MRTFA: variants seen among roughly 807,000 people sequenced by gnomAD.
The protein encoded by MRTFA is myocardin-related transcription factor A.
A neutral mutation model predicts 83.5 loss-of-function variants in MRTFA; 20 were observed. The ratio of observed to expected loss-of-function variants is 0.24; its 90% CI spans 0.17 to 0.35. MRTFA has a LOEUF of 0.35. Among genes scored for constraint, MRTFA ranks in the 10% least tolerant of loss-of-function variants. The pLI is 1.00. For synonymous variants in MRTFA, 659 were observed against 541.2 expected, an observed-to-expected ratio of 1.22 and a Z score of -3.02; for missense variants, 1,200 against 1,224.7, an observed-to-expected ratio of 0.98 and a Z score of 0.30.
At chr22:40,417,633 G>C (rs183793952) in intron 12 of MRTFA, 140 bp from the exon 13 acceptor site, 2 of 643,166 alleles carry the variant, frequency 3.1e-6, no homozygotes, top group African/African-American at 3.7e-5. Context: ...CTTTTAGGGA[G>C]CTTTCATGAA....
chr22:40,570,345 G>A (rs2055770431), intron 2 of MRTFA, among the ~76,000 whole-genome samples: 1 of 151,896 alleles, frequency 6.6e-6, no homozygotes, highest in Non-Finnish European at 1.5e-5. Context: ...GGAGGCCGAG[G>A]CGGGTGGATC....
At chr22:40,544,437 G>C (rs2055333609) in intron 3 of MRTFA, among the ~76,000 whole-genome samples, 1 of 152,096 alleles carries the variant, frequency 6.6e-6, no homozygotes, top group South Asian at 2.1e-4. Flanking sequence ...ATGTTGCCTA[G>C]GTTGGTCTTG....
At chr22:40,525,541 T>G (rs1236163600) in intron 3 of MRTFA, among the ~76,000 whole-genome samples, 1 of 152,090 alleles carries the variant, frequency 6.6e-6, no homozygotes, top group Admixed American at 6.5e-5. Context: ...AAAACTACAA[T>G]GTACACTTAT....
At chr22:40,443,736 T>C (rs2053324313) in intron 4 of MRTFA, among the ~76,000 whole-genome samples, 1 of 152,086 alleles carries the variant, frequency 6.6e-6, no homozygotes, top group South Asian at 2.1e-4. Context: ...CTTGCAAGGG[T>C]GTAATGAGAT....
chr22:40,442,177 A>G (rs768341308), intron 4 of MRTFA, among the ~76,000 whole-genome samples: 3 of 152,188 alleles, frequency 2.0e-5, no homozygotes, highest in Non-Finnish European at 4.4e-5. Context: ...TTTCCTCATC[A>G]CTATCATGAA....
At chr22:40,487,477 C>T (rs2054192199) in intron 3 of MRTFA, among the ~76,000 whole-genome samples, 1 of 152,098 alleles carries the variant, frequency 6.6e-6, no homozygotes, top group Non-Finnish European at 1.5e-5. Flanking sequence ...TCACCATTGG[C>T]AAGATCAAAC....
rs72655385 is a variant in MRTFA at position 40,418,745 on chromosome 22, C to T, written c.1993G>A (p.Ala665Thr). 1,704 of 1,450,060 alleles carry T rather than the reference C, an allele frequency of 1.2e-3. 19 individuals carry two copies. In the East Asian group the frequency reaches 0.024, roughly 20 times the overall value. 89.8% of individuals were successfully genotyped at this position (1,450,060 alleles called of 1,614,324 possible). A position where few individuals can be genotyped will look rare whatever the true frequency, so the allele number is the denominator to read the frequency against. Reference sequence around the variant, plus strand: ...GTGCCGAGGGGGGCGGGGGCGGGGGCGGGCTGCTGGGCTCGCTTCTCCTGC... The same window carrying T: ...GTGCCGAGGGGGGCGGGGGCGGGGGTGGGCTGCTGGGCTCGCTTCTCCTGC... Residue 665 changes from alanine to threonine, a missense_variant, in exon 12 of 15, where the codon GCC (alanine) becomes ACC (threonine). Physicochemically the swap from Ala to Thr is moderately conservative, Grantham distance 58 (BLOSUM62 0). Around this residue, in one of 2 missense-constraint regions of MRTFA, gnomAD observed 1,107 missense variants for 1,041.8 expected, o/e 1.06. Transcript: ENST00000355630.
At chr22:40,417,902 C>G (rs1341053412) in intron 12 of MRTFA, among the ~76,000 whole-genome samples, 1 of 152,194 alleles carries the variant, frequency 6.6e-6, no homozygotes, top group African/African-American at 2.4e-5. Context: ...CACCTGTGGC[C>G]TGGGCTGAGA....
At chr22:40,525,529 C>A (rs1483179187) in intron 3 of MRTFA, among the ~76,000 whole-genome samples, 1 of 151,942 alleles carries the variant, frequency 6.6e-6, no homozygotes, top group Non-Finnish European at 1.5e-5. Flanking sequence ...ATATAAAAAA[C>A]CAAAACTACA....
intron 2 of MRTFA, among the ~76,000 whole-genome samples, chr22:40,575,911 AAG>A: frequency 6.6e-6 from 1 of 152,350 alleles, no homozygotes; most frequent in Non-Finnish European, 1.5e-5. Flanking sequence ...TAACAATGCT[AAG>A]ACAGTAAGAG....
intron 2 of MRTFA, chr22:40,586,827 T>G: frequency 2.5e-6 from 1 of 393,146 alleles, no homozygotes. Context: ...TTCTTTCCTT[T>G]CTTCCCTACC....
chr22:40,502,811 G>A (rs945748224), intron 3 of MRTFA, among the ~76,000 whole-genome samples: 5 of 152,058 alleles, frequency 3.3e-5, no homozygotes, highest in African/African-American at 1.2e-4. Flanking sequence ...TCCGCTGCCC[G>A]CTGAACTCCA....
intron 4 of MRTFA, among the ~76,000 whole-genome samples, chr22:40,459,822 C>CACACACACATATAT (rs1308675939): frequency 1.5e-5 from 1 of 68,268 alleles, no homozygotes; most frequent in Admixed American, 1.5e-4. Flanking sequence ...CACACACACA[C>CACACACACATATAT]ATATATACAT....
intron 2 of MRTFA, among the ~76,000 whole-genome samples, chr22:40,556,765 A>C (rs540106630): frequency 6.6e-6 from 1 of 152,260 alleles, no homozygotes; most frequent in Non-Finnish European, 1.5e-5. Flanking sequence ...CAACTGTTAC[A>C]CAGGATTAAT....
intron 3 of MRTFA, among the ~76,000 whole-genome samples, chr22:40,475,288 A>T (rs2053974481): frequency 6.6e-6 from 1 of 151,996 alleles, no homozygotes; most frequent in South Asian, 2.1e-4. Flanking sequence ...CTGTAATCTC[A>T]GCATGCTGGG....
At chr22:40,518,825 G>A (rs1296902687) in intron 3 of MRTFA, among the ~76,000 whole-genome samples, 7 of 142,206 alleles carry the variant, frequency 4.9e-5, no homozygotes, top group Non-Finnish European at 9.2e-5. Flanking sequence ...AAAAAAACCA[G>A]TGTCTGTCTT....
At chr22:40,500,374 ATT>A (rs1209894398) in intron 3 of MRTFA, among the ~76,000 whole-genome samples, 1 of 103,298 alleles carries the variant, frequency 9.7e-6, no homozygotes, top group Non-Finnish European at 2.1e-5. Flanking sequence ...TTCATTTTTT[ATT>A]TTTTTTATAT....
At chr22:40,475,132 C>T (rs556988817) in intron 3 of MRTFA, among the ~76,000 whole-genome samples, 1 of 152,230 alleles carries the variant, frequency 6.6e-6, no homozygotes, top group South Asian at 2.1e-4. Context: ...AGCCACTGCG[C>T]CCAGCCAACA....
At chr22:40,502,870 A>C (rs1288056230) in intron 3 of MRTFA, among the ~76,000 whole-genome samples, 1 of 152,194 alleles carries the variant, frequency 6.6e-6, no homozygotes, top group Non-Finnish European at 1.5e-5. Flanking sequence ...AATCTCCTTT[A>C]TGAAGATAGT....
Sources: allele counts gnomAD v4.1 joint callset (sites outside exome capture counted in the v4.1 genomes callset), GRCh38; gene constraint gnomAD v4.1.1; regional missense constraint gnomAD v4.1.1; transcripts MANE v1.5; gene names NCBI Gene and HGNC (gene_info 2026-07-23, HGNC 2026-07-21).